The following NAA11 variants were observed in gnomAD, a reference collection of about 807,000 sequenced individuals.
NAA11 encodes N-alpha-acetyltransferase 11.
A neutral mutation model predicts 16.1 loss-of-function variants in NAA11; 15 were observed. The observed-to-expected ratio is 0.93, with a 90% CI of 0.62 to 1.44. The LOEUF (loss-of-function observed/expected upper bound fraction) is 1.44, where lower values mean the gene tolerates loss of function less well. Ranked by LOEUF, NAA11 falls within the 40% of genes most tolerant of loss-of-function variation. The pLI is 0.00. For synonymous variants in NAA11, 122 were observed against 112.4 expected, an observed-to-expected ratio of 1.09 and a Z score of -0.54; for missense variants, 298 against 291.3, an observed-to-expected ratio of 1.02 and a Z score of -0.17.
At chr4:79,223,208 C>T (rs1267929152), downstream of NAA11, among the ~76,000 whole-genome samples, 16 of 150,132 alleles carry the variant, frequency 1.1e-4, no homozygotes, top group East Asian at 1.4e-3. Context: ...ATGTTTATTG[C>T]GGCATTATTC....
chr4:79,262,059 G>C (rs771589381), intron 2 of NAA11, among the ~76,000 whole-genome samples: 3 of 152,078 alleles, frequency 2.0e-5, no homozygotes, highest in Non-Finnish European at 4.4e-5. Flanking sequence ...ATATAATGGT[G>C]TGGACTGAAA....
At chr4:79,158,414 A>G in the NAA11 span, among the ~76,000 whole-genome samples, 6 of 152,206 alleles carry the variant, frequency 3.9e-5, no homozygotes, top group East Asian at 1.9e-4. Flanking sequence ...AGGAAATGAA[A>G]GACCTTTACA....
the NAA11 span, among the ~76,000 whole-genome samples, chr4:79,157,994 G>A: frequency 8.8e-5 from 13 of 147,690 alleles, no homozygotes; most frequent in African/African-American, 3.3e-4. Flanking sequence ...TCTCCCTCCC[G>A]GGTTCACGCC....
At chr4:79,184,016 G>A in the NAA11 span, among the ~76,000 whole-genome samples, 14 of 152,192 alleles carry the variant, frequency 9.2e-5, no homozygotes, top group Non-Finnish European at 1.8e-4. Flanking sequence ...CATTCTCAGT[G>A]CTATCTACAT....
chr4:79,244,385 C>G (rs1721758302), intron 2 of NAA11, among the ~76,000 whole-genome samples: 2 of 152,014 alleles, frequency 1.3e-5, no homozygotes, highest in African/African-American at 4.8e-5. Flanking sequence ...GATACATTGC[C>G]CAATTTTTCA....
At position 79,325,356 on chromosome 4, in the gene NAA11, G is replaced by A. The variant is rs777072868; in HGVS notation, c.522C>T (p.Ser174=). Residue 174 remains serine, a synonymous_variant, in exon 1 of 2, where the codon TCC becomes TCT. Coordinates refer to ENST00000286794, the MANE Select transcript of NAA11 (RefSeq NM_032693.3). ...TGCCCTGGGTCTCCTGGTTCTCCCT[G>A]GAGCCCAGGACCACATACCCGCCCT... ...LKKGGYVVLG[S]RENQETQGST... is the part of the protein sequence containing the mutation. 1 of 1,613,962 alleles carries A rather than the reference G, an allele frequency of 6.2e-7. No individual in the cohort carries two copies. The highest frequency in any genetic ancestry group is 8.5e-7 in the Non-Finnish European group (1 of 1,179,884).
chr4:79,213,587 A>G, the NAA11 span, among the ~76,000 whole-genome samples: 1 of 152,286 alleles, frequency 6.6e-6, no homozygotes, highest in South Asian at 2.1e-4. Flanking sequence ...AAATATAGTT[A>G]AACTCTTATT....
At chr4:79,216,489 C>T in the NAA11 span, among the ~76,000 whole-genome samples, 64 of 152,206 alleles carry the variant, frequency 4.2e-4, 1 homozygote, top group South Asian at 5.2e-3. Context: ...ATTAGCAAAA[C>T]TCTCTTCTTT....
chr4:79,295,601 G>A (rs1251777321), intron 1 of NAA11, among the ~76,000 whole-genome samples: 6 of 152,102 alleles, frequency 3.9e-5, no homozygotes, highest in Admixed American at 6.5e-5. Context: ...CCCCCAAACC[G>A]TAATATCCCC....
the NAA11 span, among the ~76,000 whole-genome samples, chr4:79,205,524 C>T: frequency 4.5e-4 from 69 of 151,888 alleles, no homozygotes; most frequent in Middle Eastern, 0.01. Context: ...CTTTGTCAGA[C>T]GCATAGTTTG....
chr4:79,320,015 G>A (rs949860870), intron 1 of NAA11, among the ~76,000 whole-genome samples: 2 of 152,172 alleles, frequency 1.3e-5, no homozygotes, highest in African/African-American at 4.8e-5. Flanking sequence ...TTAACTCAAT[G>A]TTGCCAGCTC....
chr4:79,185,554 AT>A, the NAA11 span, among the ~76,000 whole-genome samples: 1 of 152,162 alleles, frequency 6.6e-6, no homozygotes, highest in South Asian at 2.1e-4. Context: ...GAAAGTTGCT[AT>A]TTTAATGGAT....
chr4:79,325,361 C>A lies in NAA11; in HGVS notation c.517G>T (p.Gly173Cys). The change falls in exon 1 of 2, where the codon GGC (glycine) becomes TGC (cysteine). Residue 173 changes from glycine (G) to cysteine (C), a missense_variant. By Grantham distance (159) the Gly-to-Cys change is radical. Transcript: ENST00000286794. ...DLKKGGYVVL[G>C]SRENQETQGS... ...TGGGTCTCCTGGTTCTCCCTGGAGC[C>A]CAGGACCACATACCCGCCCTTCTTC... 1 of 1,613,944 alleles carries A rather than the reference C, an allele frequency of 6.2e-7. No homozygotes were observed. Among genetic ancestry groups the A allele is most frequent in the Non-Finnish European group, 8.5e-7 (1 of 1,179,892 alleles).
intron 1 of NAA11, among the ~76,000 whole-genome samples, chr4:79,294,747 A>G (rs890762996): frequency 6.6e-5 from 10 of 152,292 alleles, no homozygotes; most frequent in South Asian, 4.1e-4. Context: ...AAGCATTTCT[A>G]TGTATCTGAA....
At chr4:79,285,833 T>C (rs1722895949) in intron 2 of NAA11, among the ~76,000 whole-genome samples, 1 of 152,038 alleles carries the variant, frequency 6.6e-6, no homozygotes, top group South Asian at 2.1e-4. Flanking sequence ...CTGTTAATAA[T>C]ACAAACACTT....
chr4:79,297,247 G>A (rs961016565), intron 1 of NAA11, among the ~76,000 whole-genome samples: 63 of 152,190 alleles, frequency 4.1e-4, no homozygotes, highest in Admixed American at 3.3e-4. Context: ...GAGAGCCTCC[G>A]TGGAGCCCAC....
chr4:79,197,361 A>G, the NAA11 span, among the ~76,000 whole-genome samples: 3 of 151,942 alleles, frequency 2.0e-5, no homozygotes, highest in Non-Finnish European at 4.4e-5. Context: ...AGTAGACATT[A>G]TGGTAGTTTA....
At chr4:79,189,014 C>T in the NAA11 span, among the ~76,000 whole-genome samples, 9 of 151,456 alleles carry the variant, frequency 5.9e-5, no homozygotes, top group African/African-American at 1.9e-4. Flanking sequence ...GGCGTGGTGG[C>T]AGGTGCCTGT....
the NAA11 span, among the ~76,000 whole-genome samples, chr4:79,168,077 G>A: frequency 0.032 from 4,891 of 151,556 alleles, 223 homozygotes; most frequent in African/African-American, 0.096. Flanking sequence ...GTGTCCATGT[G>A]TTCTAATTGT....
Sources: allele counts gnomAD v4.1 joint callset (sites outside exome capture counted in the v4.1 genomes callset), GRCh38; gene constraint gnomAD v4.1.1; transcripts MANE v1.5; gene names NCBI Gene and HGNC (gene_info 2026-07-23, HGNC 2026-07-21).